Variants in SPAG17 observed in about 807,000 individuals in gnomAD.
The protein encoded by SPAG17 is sperm associated antigen 17.
A neutral mutation model predicts 273.6 loss-of-function variants in SPAG17; 169 were observed. The observed-to-expected ratio is 0.62, with a 90% CI of 0.55 to 0.70. SPAG17 has a LOEUF of 0.70. SPAG17 is among the 30% of genes least tolerant of loss of function. SPAG17 has a pLI of 0.00. For synonymous variants in SPAG17, 825 were observed against 873.2 expected (o/e 0.94, Z 0.97); for missense variants, 2,557 against 2,627.8 (o/e 0.97, Z 0.59).
At chr1:118,045,035 T>C (rs989975954) in intron 20 of SPAG17, among the ~76,000 whole-genome samples, 1 of 152,196 alleles carries the variant, frequency 6.6e-6, no homozygotes, top group Non-Finnish European at 1.5e-5. Context: ...ATGAAAACTA[T>C]GTTTAATGAG....
chr1:117,954,194 T>G, intron 48 of SPAG17, 145 bp from the exon 49 acceptor site: 1 of 1,004,980 alleles, frequency 1.0e-6, no homozygotes, highest in Non-Finnish European at 1.5e-6. Context: ...GATCAGGATA[T>G]GCAATAAATG....
intron 18 of SPAG17, among the ~76,000 whole-genome samples, chr1:118,063,732 A>T (rs1043107319): frequency 1.3e-5 from 2 of 152,216 alleles, no homozygotes; most frequent in Non-Finnish European, 2.9e-5. Flanking sequence ...GAAATTGACA[A>T]ATGGGATCTC....
In SPAG17 at chr1:118,181,348, G is replaced by T. The variant is rs1308180929; in HGVS notation, c.87+3723C>A. 2.6e-5 allele frequency among the ~76,000 whole-genome samples: 4 copies of T among 151,698 alleles called. 1 individual carries two copies. Among genetic ancestry groups the T allele is most frequent in the African/African-American group, 9.7e-5 (4 of 41,262 alleles). ...ATAATAAAACAGAGACTGGCAGAAT[G>T]GATTAAAAAAAAAACAAAACTACTC... On this transcript the variant is annotated intron_variant, in intron 1 of 48. Coordinates refer to ENST00000336338, the MANE Select transcript of SPAG17 (RefSeq NM_206996.4).
chr1:118,161,760 C>G (rs1402302180), intron 1 of SPAG17, among the ~76,000 whole-genome samples: 1 of 152,156 alleles, frequency 6.6e-6, no homozygotes, highest in Non-Finnish European at 1.5e-5. Flanking sequence ...TGGTCTCGAT[C>G]TCCTGACCTC....
chr1:118,120,004 T>G (rs1202354707), intron 3 of SPAG17, among the ~76,000 whole-genome samples: 1 of 152,168 alleles, frequency 6.6e-6, no homozygotes, highest in Non-Finnish European at 1.5e-5. Flanking sequence ...TTTAACTAGC[T>G]CCCCATTGAC....
intron 3 of SPAG17, among the ~76,000 whole-genome samples, 159 bp from the exon 4 acceptor site, chr1:118,115,600 A>C (rs1366357865): frequency 6.6e-6 from 1 of 152,156 alleles, no homozygotes; most frequent in Non-Finnish European, 1.5e-5. Flanking sequence ...AAAATGCCTC[A>C]ATGCTACAGA....
At chr1:118,048,037 A>G (rs1557954355) in intron 20 of SPAG17, among the ~76,000 whole-genome samples, 1 of 151,876 alleles carries the variant, frequency 6.6e-6, no homozygotes, top group Non-Finnish European at 1.5e-5. Flanking sequence ...CAGGCTGGCT[A>G]CATGGTTCTA....
At chr1:118,064,888 A>G (rs986791130) in intron 18 of SPAG17, among the ~76,000 whole-genome samples, 1 of 152,032 alleles carries the variant, frequency 6.6e-6, no homozygotes, top group Admixed American at 6.5e-5. Flanking sequence ...AAAAACTAAC[A>G]AAAAACAACT....
chr1:118,007,939 A>C (rs1263682986), intron 31 of SPAG17, 105 bp downstream of exon 31: 6 of 1,186,874 alleles, frequency 5.1e-6, no homozygotes, highest in Non-Finnish European at 7.4e-6. Flanking sequence ...GAATGAAAGC[A>C]ACAGCAGTGT....
In SPAG17 at chr1:118,091,623, G is replaced by GCAGT. The variant is rs1655377829; in HGVS notation, c.1338_1341dup (p.His448ThrfsTer12). 6.2e-7 allele frequency: 1 copy of GCAGT among 1,606,518 alleles called. No homozygotes were observed. Among genetic ancestry groups the GCAGT allele is most frequent in the Non-Finnish European group, 8.5e-7 (1 of 1,173,456 alleles). On this transcript the variant is annotated frameshift_variant, in exon 10 of 49. Transcript: ENST00000336338. LOFTEE classifies it high-confidence loss of function. The stretch of plus-strand genomic sequence containing the variant: ...CTCCCCACCTGTTCCAGCATACAAT[G>GCAGT]CAGTATCAGGGGCACAGAAATGAAT...
At chr1:118,068,471 T>C (rs1335637130) in intron 17 of SPAG17, among the ~76,000 whole-genome samples, 1 of 152,178 alleles carries the variant, frequency 6.6e-6, no homozygotes, top group African/African-American at 2.4e-5. Flanking sequence ...ATATATCCTT[T>C]CTTTTAGATA....
chr1:118,132,886 C>T (rs1322677382), intron 3 of SPAG17, among the ~76,000 whole-genome samples: 1 of 152,196 alleles, frequency 6.6e-6, no homozygotes, highest in African/African-American at 2.4e-5. Context: ...ATTCTCCTGC[C>T]TCAGCCTCCT....
At chr1:118,069,285 C>T (rs940725408) in intron 17 of SPAG17, among the ~76,000 whole-genome samples, 1 of 143,600 alleles carries the variant, frequency 7.0e-6, no homozygotes, top group Non-Finnish European at 1.5e-5. Flanking sequence ...GCGGAGGTTG[C>T]AGTGAGCCGA....
At chr1:118,080,519 T>C (rs1165269779) in intron 15 of SPAG17, among the ~76,000 whole-genome samples, 2 of 152,210 alleles carry the variant, frequency 1.3e-5, no homozygotes, top group Non-Finnish European at 2.9e-5. Flanking sequence ...ATTTTGCAGA[T>C]AGTAGGAAGC....
chr1:118,152,813 T>G (rs949744823), intron 1 of SPAG17, among the ~76,000 whole-genome samples: 1 of 152,224 alleles, frequency 6.6e-6, no homozygotes, highest in Non-Finnish European at 1.5e-5. Context: ...TAATGTGTAA[T>G]GACCTTTCCT....
chr1:117,969,284 T>A (rs1654276033), intron 46 of SPAG17, among the ~76,000 whole-genome samples: 1 of 152,160 alleles, frequency 6.6e-6, no homozygotes, highest in Admixed American at 6.5e-5. Flanking sequence ...ATGAGTTTAA[T>A]AAATACGATT....
intron 48 of SPAG17, chr1:117,954,493 TATAAA>T: frequency 7.5e-7 from 1 of 1,338,182 alleles, no homozygotes. Flanking sequence ...TTTTCAAAAT[TATAAA>T]ATACAGTTAC....
intron 48 of SPAG17, chr1:117,959,231 C>A: frequency 6.4e-7 from 1 of 1,556,868 alleles, no homozygotes; most frequent in Non-Finnish European, 8.7e-7. Flanking sequence ...AACTCTCATA[C>A]GCTGCTATAA....
At chr1:118,065,258 T>A (rs1345860499) in intron 18 of SPAG17, among the ~76,000 whole-genome samples, 1 of 152,092 alleles carries the variant, frequency 6.6e-6, no homozygotes, top group African/African-American at 2.4e-5. Flanking sequence ...TAAACCTAAT[T>A]AAAATTAAGT....
Sources: gnomAD v4.1 joint callset for allele counts (sites outside exome capture counted in the v4.1 genomes callset) on GRCh38, gnomAD v4.1.1 for gene constraint, MANE v1.5 for transcripts, NCBI Gene and HGNC (gene_info 2026-07-23, HGNC 2026-07-21) for gene names.